Variants in CCDC33 observed in about 807,000 individuals in gnomAD.
CCDC33 encodes coiled-coil domain-containing protein 33.
CCDC33 carries 94 observed loss-of-function variants against 91.9 expected under a neutral mutation model. The observed-to-expected ratio is 1.02, with a 90% confidence interval of 0.87 to 1.21. CCDC33 has a LOEUF of 1.21. Among genes scored for constraint, CCDC33 ranks in the 50% most tolerant of loss-of-function variants. The probability of loss-of-function intolerance (pLI) is 0.00; values close to 1 mark genes in which losing one functional copy is unlikely to be tolerated. For missense variants in CCDC33, 940 were observed against 935.5 expected (o/e 1.00, Z -0.06); for synonymous variants, 396 against 374.5 (o/e 1.06, Z -0.66).
upstream of CCDC33, among the ~76,000 whole-genome samples, chr15:74,233,953 C>G (rs376847152): frequency 1.3e-5 from 2 of 152,080 alleles, no homozygotes; most frequent in African/African-American, 4.8e-5. Context: ...AGTCAGGAGG[C>G]GGGGGCGTCT....
At chr15:74,287,721 G>A (rs769924869) in intron 10 of CCDC33, among the ~76,000 whole-genome samples, 2 of 151,548 alleles carry the variant, frequency 1.3e-5, no homozygotes, top group Non-Finnish European at 2.9e-5. Context: ...ACTGGGAGGC[G>A]GAGGTTGCAG....
intron 2 of CCDC33, among the ~76,000 whole-genome samples, chr15:74,229,976 C>T (rs745920869): frequency 1.3e-5 from 2 of 152,160 alleles, no homozygotes; most frequent in Non-Finnish European, 2.9e-5. Context: ...AATCTTTGTG[C>T]AGGTTGTGCA....
At chr15:74,286,269 A>C (rs2059472356) in intron 10 of CCDC33, among the ~76,000 whole-genome samples, 1 of 152,072 alleles carries the variant, frequency 6.6e-6, no homozygotes. Context: ...AACAAACAAA[A>C]AAACTCCATG....
chr15:74,305,973 G>C (rs2059886791), intron 11 of CCDC33, among the ~76,000 whole-genome samples: 1 of 152,174 alleles, frequency 6.6e-6, no homozygotes, highest in Admixed American at 6.5e-5. Context: ...ACAGGAGAGT[G>C]GATGGCAATG....
chr15:74,247,850 G>A (rs1161269301), intron 2 of CCDC33, among the ~76,000 whole-genome samples: 8 of 152,228 alleles, frequency 5.3e-5, no homozygotes, highest in Admixed American at 5.2e-4. Flanking sequence ...GCCAAGACAG[G>A]TGGATCACCT....
At chr15:74,241,556 C>T (rs75963067) in intron 1 of CCDC33, among the ~76,000 whole-genome samples, 4 of 152,312 alleles carry the variant, frequency 2.6e-5, no homozygotes, top group Admixed American at 6.5e-5. Context: ...GAGGGCCCCA[C>T]GGGCCATTGC....
upstream of CCDC33, among the ~76,000 whole-genome samples, chr15:74,215,779 G>T (rs2074425553): frequency 6.6e-6 from 1 of 151,674 alleles, no homozygotes; most frequent in Non-Finnish European, 1.5e-5. Flanking sequence ...GCTGAGGCAG[G>T]AGAATCGCTT....
chr15:74,263,682 C>T (rs747010560), intron 3 of CCDC33, among the ~76,000 whole-genome samples: 29 of 152,184 alleles, frequency 1.9e-4, no homozygotes, highest in Non-Finnish European at 4.3e-4. Context: ...CCTGTGTGTG[C>T]ATGTCTTTGT....
upstream of CCDC33, among the ~76,000 whole-genome samples, chr15:74,233,844 C>T (rs2075060978): frequency 6.6e-6 from 1 of 152,190 alleles, no homozygotes; most frequent in Non-Finnish European, 1.5e-5. Flanking sequence ...CTTTGAGCTG[C>T]CATTTGCTAC....
chr15:74,297,335 G>A (rs1204483366), intron 11 of CCDC33, among the ~76,000 whole-genome samples: 1 of 152,162 alleles, frequency 6.6e-6, no homozygotes, highest in Non-Finnish European at 1.5e-5. Flanking sequence ...TAAACCACTT[G>A]CTCCTGCCCT....
At position 74,280,083 on chromosome 15, in the gene CCDC33, T is replaced by C; in HGVS notation, c.880T>C (p.Ser294Pro). 1 of 1,614,022 alleles carries C rather than the reference T, an allele frequency of 6.2e-7. No individual in the cohort carries two copies. The highest frequency in any genetic ancestry group is 8.5e-7 in the Non-Finnish European group (1 of 1,179,944). ...AGCCCTGGTGCTGGAGTACTACTCC[T>C]CAACTTCAAGTACGTGACCCCTGGT... ...DTALVLEYYSSTSMKGSQPWT... is the reference protein window; with the variant it reads ...DTALVLEYYSPTSMKGSQPWT... The change falls in exon 8 of 19, where the codon TCA becomes CCA. Residue 294 changes from serine to proline, a missense_variant. By Grantham distance (74) the Ser-to-Pro change is moderately conservative. Transcript: ENST00000398814.
rs4987132 is a variant in CCDC33, at chr15:74,335,902, G to A, written c.2140-23G>A. ...CCCCCTGGGAATGGGGGGTACTCAC[G>A]CACCCCGCTTTGCACACCACAGAGT... is the stretch of plus-strand genomic sequence containing the variant. On this transcript the variant is annotated intron_variant, in intron 18 of 18. Coordinates refer to ENST00000398814, the MANE Select transcript of CCDC33 (RefSeq NM_025055.5). 1,724 of 1,598,986 alleles carry A rather than the reference G, an allele frequency of 1.1e-3. 21 individuals are homozygous for A. The African/African-American group carries it at 0.017, about 16-fold the overall frequency.
intron 2 of CCDC33, among the ~76,000 whole-genome samples, chr15:74,246,795 T>C (rs2075544756): frequency 6.6e-6 from 1 of 152,120 alleles, no homozygotes; most frequent in African/African-American, 2.4e-5. Flanking sequence ...AAAACTACCA[T>C]ATGATCCCGC....
In CCDC33 at chr15:74,316,904, G is replaced by A. The variant is rs1288677793; in HGVS notation, c.1291-13285G>A. On this transcript the variant is annotated intron_variant, in intron 11 of 18. Transcript: ENST00000398814. The surrounding 1 kb of genome is among the most constrained non-coding windows in gnomAD (Gnocchi z 4.7). Reference sequence around the variant, plus strand: ...CAGAGGAGAAAACAGGCTTAGAGAGGTTAAGTGACCTGTCCAAAGTCACAC... The same window carrying A: ...CAGAGGAGAAAACAGGCTTAGAGAGATTAAGTGACCTGTCCAAAGTCACAC... Among the ~76,000 whole-genome samples, 2 of 152,192 alleles carry A rather than the reference G, an allele frequency of 1.3e-5. No homozygotes were observed. Among genetic ancestry groups the A allele is most frequent in the Non-Finnish European group, 2.9e-5 (2 of 68,044 alleles).
chr15:74,302,171 G>A (rs1418981059), intron 11 of CCDC33: 1 of 152,050 alleles, frequency 6.6e-6, no homozygotes, highest in East Asian at 1.9e-4. Context: ...GAGTCTGCTG[G>A]ACCCTAGAAT....
intron 1 of CCDC33, among the ~76,000 whole-genome samples, chr15:74,243,139 G>A (rs1176367364): frequency 6.6e-6 from 1 of 152,250 alleles, no homozygotes; most frequent in African/African-American, 2.4e-5. Context: ...TGCATGGGCA[G>A]GCACCTCTTC....
chr15:74,239,144 C>A (rs2075269487), intron 1 of CCDC33, among the ~76,000 whole-genome samples: 1 of 152,190 alleles, frequency 6.6e-6, no homozygotes, highest in South Asian at 2.1e-4. Context: ...CCAGCCCAGC[C>A]CCGCTCCAGC....
Position 74,268,412 on chromosome 15 carries a change from G to T in CCDC33, c.500G>T (p.Ser167Ile). 2 of 1,595,118 alleles carry T rather than the reference G, an allele frequency of 1.3e-6. No homozygotes were observed. Among genetic ancestry groups the T allele is most frequent in the Non-Finnish European group, 1.7e-6 (2 of 1,170,862 alleles). The part of the protein sequence containing the change: ...TQLYATVVRK[S>I]SFIPRYIGCN... ...TTGTACGCAACAGTCGTTCGGAAGA[G>T]CAGCTTCATACCCCGCTACATCGGC... The change falls in exon 5 of 19, where the codon AGC (serine) becomes ATC (isoleucine). Residue 167 changes from serine (S) to isoleucine (I), a missense_variant. Coordinates refer to ENST00000398814, the MANE Select transcript of CCDC33 (RefSeq NM_025055.5).
intron 11 of CCDC33, chr15:74,319,832 CT>C (rs1388261905): frequency 6.6e-6 from 1 of 152,240 alleles, no homozygotes; most frequent in African/African-American, 2.4e-5. Flanking sequence ...CTGAGGTCAG[CT>C]GCCGGCCAAG....
Sources: gnomAD v4.1 joint callset for allele counts (sites outside exome capture counted in the v4.1 genomes callset) on GRCh38, gnomAD v4.1.1 for gene constraint, Gnocchi (gnomAD v3.1) non-coding constraint, MANE v1.5 for transcripts, NCBI Gene and HGNC (gene_info 2026-07-23, HGNC 2026-07-21) for gene names.